Variants in ABCA7 observed in about 807,000 individuals in gnomAD.
ABCA7 encodes phospholipid-transporting ATPase ABCA7.
Under a neutral mutation model 227.6 loss-of-function variants are expected in ABCA7, and 261 were observed. That is an observed-to-expected ratio of 1.15 (90% CI 1.04 to 1.27). ABCA7 has a LOEUF of 1.27. Among genes scored for constraint, ABCA7 ranks in the 50% most tolerant of loss-of-function variants. ABCA7 has a pLI of 0.00. For missense variants in ABCA7, 3,331 were observed against 2,924.5 expected (o/e 1.14, Z -3.21); for synonymous variants, 1,488 against 1,279.7 (o/e 1.16, Z -3.47).
rs758237345 is a variant in ABCA7 at position 1,063,823 on chromosome 19, G to T, written c.5911G>T (p.Val1971Leu). 2 of 1,544,074 alleles carry T rather than the reference G, an allele frequency of 1.3e-6. No individual in the cohort carries two copies. The highest frequency in any genetic ancestry group is 2.0e-5 in the Admixed American group (1 of 50,954). The change falls in exon 44 of 47, where the codon GTG (valine) becomes TTG (leucine). Residue 1971 changes from valine (V) to leucine (L), a missense_variant. Transcript: ENST00000263094. ...RRFLWNSLLA[V>L]VREGRSVMLT... ...CTTCCTTTGGAACAGCCTTTTGGCC[G>T]TGGTGCGGGAGGGCCGTTCAGTGAT...
chr19:1,052,764 T>C (rs940667103), intron 23 of ABCA7, among the ~76,000 whole-genome samples: 1 of 147,012 alleles, frequency 6.8e-6, no homozygotes, highest in Non-Finnish European at 1.5e-5. Context: ...CCTGAGATGA[T>C]GCCCCCATCC....
chr19:1,047,407 G>A (rs2040810901), intron 15 of ABCA7, 29 bp downstream of exon 15: 3 of 1,546,536 alleles, frequency 1.9e-6, no homozygotes, highest in African/African-American at 1.4e-5. Flanking sequence ...GTGGATGGGG[G>A]ACGCCCCCCG....
intron 42 of ABCA7, among the ~76,000 whole-genome samples, chr19:1,063,258 C>T (rs112677058): frequency 3.9e-5 from 5 of 128,324 alleles, no homozygotes; most frequent in Non-Finnish European, 6.8e-5. Context: ...ACCATGGCCC[C>T]GCCCCATACT....
chr19:1,044,780 G>T, intron 11 of ABCA7, 36 bp downstream of exon 11: 1 of 1,559,772 alleles, frequency 6.4e-7, no homozygotes, highest in Non-Finnish European at 8.7e-7. Flanking sequence ...CTGTTTCAGT[G>T]GGGAGGGCAG....
chr19:1,042,287 C>T (rs774692337), intron 5 of ABCA7, 28 bp from the exon 6 acceptor site: 9 of 1,576,386 alleles, frequency 5.7e-6, no homozygotes, highest in Admixed American at 3.4e-5. Context: ...TCCCCCCAGC[C>T]CCATGCTCCC....
rs144288935 is a variant in ABCA7 at position 1,045,450 on chromosome 19, T to G, written c.1445+219T>G. 103 of 584,962 alleles carry G rather than the reference T, an allele frequency of 1.8e-4. 1 individual carries two copies. The highest frequency in any genetic ancestry group is 1.6e-3 in the African/African-American group (88 of 53,626). 36.2% of individuals were successfully genotyped at this position (584,962 alleles called of 1,614,324 possible). A position where few individuals can be genotyped will look rare whatever the true frequency, so the allele number is the denominator to read the frequency against. ...GAGGGGCGTGGCCATGGGCCTGAGA[T>G]AAGATGAGAGCAGGTATAGGTTGAG... On this transcript the variant is annotated intron_variant, in intron 12 of 46. Coordinates refer to ENST00000263094, the MANE Select transcript of ABCA7 (RefSeq NM_019112.4).
chr19:1,047,275 T>C lies in ABCA7; in HGVS notation c.1964T>C (p.Leu655Pro), dbSNP rs1183663022. The change falls in exon 15 of 47, where the codon CTG (leucine) becomes CCG (proline). Residue 655 changes from leucine to proline, a missense_variant. Physicochemically the swap from Leu to Pro is moderately conservative, Grantham distance 98. Transcript: ENST00000263094. The part of the protein sequence containing the change: ...LLSAFFSRAN[L>P]AAACGGLAYF... ...AGCGCCTTCTTCTCCCGCGCCAACC[T>C]GGCTGCGGCCTGCGGCGGCCTGGCC... is the stretch of plus-strand genomic sequence containing the variant. The C allele has an allele frequency of 6.2e-7, 1 of 1,606,776 alleles. No homozygotes were observed. The highest frequency in any genetic ancestry group is 1.1e-5 in the South Asian group (1 of 90,852).
intron 16 of ABCA7, 43 bp downstream of exon 16, chr19:1,047,697 T>A: frequency 6.5e-7 from 1 of 1,530,514 alleles, no homozygotes; most frequent in Non-Finnish European, 8.8e-7. Flanking sequence ...TCGCACCTGC[T>A]TTGCGGGAGG....
rs905414433 is a variant in ABCA7, at chr19:1,048,884, C to T, written c.2270-11C>T. ...GGTGGGCTAAGCAATAACCCGCGCC[C>T]CTCCCCGCAGGCCAGTACGGGATCC... On this transcript the variant is annotated splice_polypyrimidine_tract_variant and intron_variant, in intron 16 of 46. Coordinates refer to ENST00000263094, the MANE Select transcript of ABCA7 (RefSeq NM_019112.4). The T allele has an allele frequency of 1.9e-6, 3 of 1,568,218 alleles. No homozygotes were observed. The highest frequency in any genetic ancestry group is 1.4e-5 in the African/African-American group (1 of 73,648).
chr19:1,041,663 G>C (rs879178591), intron 3 of ABCA7, 60 bp downstream of exon 3: 1 of 1,577,950 alleles, frequency 6.3e-7, no homozygotes, highest in Non-Finnish European at 8.6e-7. Context: ...TGGCTCACCC[G>C]TGCACAGGAA....
chr19:1,045,127 A>T lies in ABCA7; in HGVS notation c.1341A>T (p.Ser447=). ...GVVFLGPEDS[S]DPTEHPTPDL... is the part of the protein sequence containing the mutation. ...TCTTCTTGGGACCTGAGGACTCTTCAGACCCCACAGAGCACCCAACCCCAG... is the reference window on the plus strand; with the variant it reads ...TCTTCTTGGGACCTGAGGACTCTTCTGACCCCACAGAGCACCCAACCCCAG... The change falls in exon 12 of 47, where the codon TCA becomes TCT. Residue 447 remains serine, a synonymous_variant. Coordinates refer to ENST00000263094, the MANE Select transcript of ABCA7 (RefSeq NM_019112.4). 1 of 1,612,958 alleles carries T rather than the reference A, an allele frequency of 6.2e-7. No homozygotes were observed. Among genetic ancestry groups the T allele is most frequent in the Non-Finnish European group, 8.5e-7 (1 of 1,179,970 alleles).
At chr19:1,043,014 C>T (rs751563310) in intron 7 of ABCA7, 27 bp from the exon 8 acceptor site, 2 of 1,575,266 alleles carry the variant, frequency 1.3e-6, no homozygotes, top group Non-Finnish European at 1.7e-6. Flanking sequence ...GGATCATTGC[C>T]AGCTCCGTCT....
rs755503605 is a variant in ABCA7, at chr19:1,053,550, G to T, written c.3423+19G>T. ...CGAGGAGGTGTGAGGCCTGGGTGGT[G>T]GTGAGGTGGGGCCAGGAGGAGGGCT... On this transcript the variant is annotated intron_variant, in intron 24 of 46. Coordinates refer to ENST00000263094, the MANE Select transcript of ABCA7 (RefSeq NM_019112.4). The T allele has an allele frequency of 6.4e-7, 1 of 1,552,730 alleles. No homozygotes were observed. Among genetic ancestry groups the T allele is most frequent in the Non-Finnish European group, 8.7e-7 (1 of 1,154,016 alleles).
In ABCA7 at chr19:1,054,847, G is replaced by T. The variant is rs1229029742; in HGVS notation, c.3919G>T (p.Glu1307Ter). 1.9e-6 allele frequency: 3 copies of T among 1,565,592 alleles called. No individual in the cohort carries two copies. The highest frequency in any genetic ancestry group is 2.6e-6 in the Non-Finnish European group (3 of 1,155,916). The change falls in exon 29 of 47, where the codon GAG (glutamate) becomes TAG (stop). Residue 1307 changes from glutamate to a stop codon, truncating the protein, a stop_gained. Transcript: ENST00000263094. LOFTEE classifies it high-confidence loss of function. This position sits in a 1 kb window ranked among gnomAD's most constrained non-coding sequence, Gnocchi z 4.8. ...LEALLQEAGL[E>*]EPPVQHSSHR... ...GGCGCTGCTGCAGGAGGCAGGACTGGAGGAGCCCCCAGTGCAGCATAGCTC... is the reference window on the plus strand; with the variant it reads ...GGCGCTGCTGCAGGAGGCAGGACTGTAGGAGCCCCCAGTGCAGCATAGCTC...
At chr19:1,046,715 G>T in intron 13 of ABCA7, 87 bp from the exon 14 acceptor site, 5 of 1,367,550 alleles carry the variant, frequency 3.7e-6, no homozygotes, top group South Asian at 1.3e-5. Context: ...TTGAGATCCC[G>T]GGACACGAAC....
In ABCA7 at chr19:1,042,408, G is replaced by A. The variant is rs758357947; in HGVS notation, c.498+11G>A. The A allele has an allele frequency of 3.9e-5, 63 of 1,610,478 alleles. 1 individual carries two copies. The highest frequency in any genetic ancestry group is 5.1e-5 in the Non-Finnish European group (60 of 1,178,418). ...TCACTGCTGCGCACGGTAGGGTGTC[G>A]GGGCGGGACCGCGCTGACTTCCTGG... On this transcript the variant is annotated intron_variant, in intron 6 of 46. Coordinates refer to ENST00000263094, the MANE Select transcript of ABCA7 (RefSeq NM_019112.4).
In ABCA7 at chr19:1,063,743, T is replaced by C; in HGVS notation, c.5848-17T>C. 2 of 1,548,198 alleles carry C rather than the reference T, an allele frequency of 1.3e-6. No individual in the cohort carries two copies. The highest frequency in any genetic ancestry group is 2.4e-5 in the East Asian group (1 of 41,136). ...CGGAGGCGGGGCCTTGCTTATGGGA[T>C]CTTCCGTGCTCCCCAGGACGAGCCG... On this transcript the variant is annotated splice_polypyrimidine_tract_variant and intron_variant, in intron 43 of 46. Transcript: ENST00000263094.
intron 13 of ABCA7, among the ~76,000 whole-genome samples, 190 bp downstream of exon 13, chr19:1,046,596 G>T (rs569767769): frequency 3.9e-5 from 6 of 152,078 alleles, no homozygotes; most frequent in Admixed American, 3.9e-4. Context: ...GGGGGACTCT[G>T]AGGGTCTGGG....
At chr19:1,053,709 GT>G in intron 24 of ABCA7, 78 bp from the exon 25 acceptor site, 1 of 1,559,054 alleles carries the variant, frequency 6.4e-7, no homozygotes, top group East Asian at 2.3e-5. Context: ...GACCCATGGT[GT>G]AGGAGGGGTG....
Sources: allele counts gnomAD v4.1 joint callset (sites outside exome capture counted in the v4.1 genomes callset), GRCh38; gene constraint gnomAD v4.1.1; non-coding constraint Gnocchi (gnomAD v3.1); transcripts MANE v1.5; gene names NCBI Gene and HGNC (gene_info 2026-07-23, HGNC 2026-07-21).